The following UCP3 variants were observed in gnomAD, a reference collection of about 807,000 sequenced individuals.
UCP3 encodes uncoupling protein 3.
Under a neutral mutation model 28.1 loss-of-function variants are expected in UCP3, and 24 were observed. The ratio of observed to expected loss-of-function variants is 0.85; its 90% CI spans 0.62 to 1.20. The LOEUF (loss-of-function observed/expected upper bound fraction) is 1.20, where lower values mean the gene tolerates loss of function less well. Among genes scored for constraint, UCP3 ranks in the 50% most tolerant of loss-of-function variants. UCP3 has a pLI of 0.00. For missense variants in UCP3, 397 were observed against 422.2 expected (o/e 0.94, Z 0.52); for synonymous variants, 184 against 171.2 (o/e 1.07, Z -0.59).
In UCP3 at chr11:74,006,272, G is replaced by T. The variant is rs1290763402; in HGVS notation, c.234C>A (p.Tyr78Ter). 1 of 1,613,626 alleles carries T rather than the reference G, an allele frequency of 6.2e-7. No homozygotes were observed. Among genetic ancestry groups the T allele is most frequent in the Non-Finnish European group, 8.5e-7 (1 of 1,180,002 alleles). The change falls in exon 3 of 7, where the codon TAC becomes TAA. Residue 78 changes from tyrosine to a stop codon, truncating the protein, a stop_gained. Coordinates refer to ENST00000314032, the MANE Select transcript of UCP3 (RefSeq NM_003356.4). LOFTEE classifies it high-confidence loss of function. ...GCTGCAGGCCGGCCACCAGCCCATT[G>T]TAGGGGCTGCAGGGACCCTCAGTCC... is the stretch of plus-strand genomic sequence containing the variant. Reference protein sequence around the residue: ...MVRTEGPCSPYNGLVAGLQRQ... With the variant: ...MVRTEGPCSP
intron 1 of UCP3, among the ~76,000 whole-genome samples, chr11:74,007,942 C>A (rs893880895): frequency 1.3e-5 from 2 of 152,162 alleles, no homozygotes; most frequent in Admixed American, 1.3e-4. Flanking sequence ...AAAGTGGAAC[C>A]CTCATTACTG....
chr11:74,006,275 G>T lies in UCP3; in HGVS notation c.231C>A (p.Pro77=), dbSNP rs1344610359. 2 of 1,613,438 alleles carry T rather than the reference G, an allele frequency of 1.2e-6. No individual in the cohort carries two copies. The highest frequency in any genetic ancestry group is 1.7e-6 in the Non-Finnish European group (2 of 1,179,974). ...GCAGGCCGGCCACCAGCCCATTGTA[G>T]GGGCTGCAGGGACCCTCAGTCCGCA... The part of the protein sequence containing the change: ...TMVRTEGPCS[P]YNGLVAGLQR... The change falls in exon 3 of 7, where the codon CCC becomes CCA. Residue 77 remains proline (P), a synonymous_variant. Transcript: ENST00000314032.
rs769183491 is a variant in UCP3, at chr11:74,004,483, C to G, written c.643+1G>C. 3 of 1,614,010 alleles carry G rather than the reference C, an allele frequency of 1.9e-6. No homozygotes were observed. The highest frequency in any genetic ancestry group is 3.3e-5 in the Admixed American group (2 of 60,000). On this transcript the variant is annotated splice_donor_variant, in intron 5 of 6. Transcript: ENST00000314032. LOFTEE classifies it high-confidence loss of function. The stretch of plus-strand genomic sequence containing the variant: ...TGCCTGCCTGGAGCCCAGGGCCTCA[C>G]CAGTGAGCAGGTGGTAGTCCAGCAG...
intron 4 of UCP3, among the ~76,000 whole-genome samples, chr11:74,005,314 T>C (rs1184139619): frequency 6.6e-6 from 1 of 152,062 alleles, no homozygotes; most frequent in Non-Finnish European, 1.5e-5. Flanking sequence ...TGAGGGCCCC[T>C]CCCCTTCCGT....
At position 74,001,449 on chromosome 11, in the gene UCP3, AG is replaced by A; in HGVS notation, c.901del (p.Leu301Ter). 1.9e-6 allele frequency: 3 copies of A among 1,614,176 alleles called. No individual in the cohort carries two copies. The highest frequency in any genetic ancestry group is 2.5e-6 in the Non-Finnish European group (3 of 1,180,034). ...TTCCCGTAACATCTGGACTTTCATC[AG>A]GGCCCGTTTCAGCTGCTCATAGGTT... ...FVTYEQLKRA[L>X]MKVQMLRESP... is the part of the protein sequence containing the mutation. On this transcript the variant is annotated frameshift_variant, in exon 7 of 7. Transcript: ENST00000314032. LOFTEE classifies it high-confidence loss of function.
In UCP3 at chr11:74,004,292, C is replaced by T. The variant is rs1238327768; in HGVS notation, c.643+192G>A. 2.0e-5 allele frequency among the ~76,000 whole-genome samples: 3 copies of T among 152,284 alleles called. No individual in the cohort carries two copies. In the East Asian group the frequency reaches 5.8e-4, roughly 29 times the overall value. ...GAGAGGTGGTGCTGGGACTGGAACC[C>T]AAGTCTCCAGCCTCCCAGCCCAGGG... On this transcript the variant is annotated intron_variant, in intron 5 of 6. Transcript: ENST00000314032.
intron 6 of UCP3, 71 bp downstream of exon 6, chr11:74,003,756 G>T (rs971616668): frequency 7.9e-6 from 12 of 1,516,898 alleles, no homozygotes; most frequent in Middle Eastern, 2.5e-4. Flanking sequence ...GTTGACCCAC[G>T]GTAGCCACAT....
intron 1 of UCP3, among the ~76,000 whole-genome samples, chr11:74,008,391 G>A (rs976547754): frequency 5.9e-5 from 9 of 152,122 alleles, no homozygotes; most frequent in Non-Finnish European, 1.3e-4. Context: ...TGAAGCAGGG[G>A]AAGAGGACCC....
chr11:74,001,621 TC>T, intron 6 of UCP3, 95 bp from the exon 7 acceptor site: 4 of 1,064,990 alleles, frequency 3.8e-6, no homozygotes, highest in Non-Finnish European at 5.8e-6. Flanking sequence ...TGCCAGAGGA[TC>T]CAGACTTCTG....
chr11:74,007,360 C>G, intron 1 of UCP3: 1 of 380,006 alleles, frequency 2.6e-6, no homozygotes, highest in South Asian at 2.4e-5. Context: ...GTAGGCAGAG[C>G]TGATAGTGGT....
rs115916638 is a variant in UCP3, at chr11:74,003,736, T to A, written c.824+91A>T. The A allele has an allele frequency of 9.8e-5, 148 of 1,509,966 alleles. No homozygotes were observed. The African/African-American group carries it at 1.9e-3, about 20-fold the overall frequency. 93.5% of individuals were successfully genotyped at this position (1,509,966 alleles called of 1,614,324 possible). On this transcript the variant is annotated intron_variant, in intron 6 of 6. Transcript: ENST00000314032. ...CATTTACATCTGTACTCTTCACCGC[T>A]ACATCCCAGGTTGACCCACGGTAGC...
rs1429478366 is a variant in UCP3, at chr11:74,000,655, TAAAGTGCGTTCATGCCCAGC to T, written c.*737_*756del. 1 of 152,256 alleles carries T rather than the reference TAAAGTGCGTTCATGCCCAGC, an allele frequency of 6.6e-6. No homozygotes were observed. Among genetic ancestry groups the T allele is most frequent in the Non-Finnish European group, 1.5e-5 (1 of 68,056 alleles). 9.4% of individuals were successfully genotyped at this position (152,256 alleles called of 1,614,324 possible). On this transcript the variant is annotated 3_prime_UTR_variant, in exon 7 of 7. Coordinates refer to ENST00000314032, the MANE Select transcript of UCP3 (RefSeq NM_003356.4). ...GATTTACACAGAGCTTTTGCTTTTA[TAAAGTGCGTTCATGCCCAGC>T]TTCTCACTTGCATGTCATAGCACCC...
rs199959534 is a variant in UCP3, at chr11:74,001,433, C to T, written c.918G>A (p.Met306Ile). Residue 306 changes from methionine (M) to isoleucine (I), a missense_variant, in exon 7 of 7, where the codon ATG becomes ATA. Physicochemically the swap from Met to Ile is conservative, Grantham distance 10 (BLOSUM62 1). Transcript: ENST00000314032. Reference protein sequence around the residue: ...QLKRALMKVQMLRESPF With the variant: ...QLKRALMKVQILRESPF The stretch of plus-strand genomic sequence containing the variant: ...TTGTTCAAAACGGTGATTCCCGTAA[C>T]ATCTGGACTTTCATCAGGGCCCGTT... The T allele has an allele frequency of 1.2e-6, 2 of 1,614,114 alleles. No individual in the cohort carries two copies. The highest frequency in any genetic ancestry group is 1.7e-6 in the Non-Finnish European group (2 of 1,180,056).
In UCP3 at chr11:74,005,788, C is replaced by T. The variant is rs754054591; in HGVS notation, c.483G>A (p.Gly161=). ...GPSRSDRKYS[G]TMDAYRTIAR... is the part of the protein sequence containing the mutation. Reference sequence around the variant, plus strand: ...CGATGGTTCTGTAGGCGTCCATAGTCCCGCTGTATTTTCTGTCGCTCCTGG... The same window carrying T: ...CGATGGTTCTGTAGGCGTCCATAGTTCCGCTGTATTTTCTGTCGCTCCTGG... The change falls in exon 4 of 7, where the codon GGG becomes GGA. Residue 161 remains glycine (G), a synonymous_variant. Coordinates refer to ENST00000314032, the MANE Select transcript of UCP3 (RefSeq NM_003356.4). 1.9e-6 allele frequency: 3 copies of T among 1,614,192 alleles called. No individual in the cohort carries two copies.
rs1951671518 is a variant in UCP3 at position 74,006,939 on chromosome 11, T to C, written c.104A>G (p.Asp35Gly). 3.1e-6 allele frequency: 5 copies of C among 1,614,156 alleles called. No homozygotes were observed. The highest frequency in any genetic ancestry group is 4.2e-6 in the Non-Finnish European group (5 of 1,180,020). ...CFADLVTFPL[D>G]TAKVRLQIQG... is the part of the protein sequence containing the mutation. ...TACCTGCAGGCGGACCTTGGCTGTGTCCAGTGGAAAGGTAACGAGGTCAGC... is the reference window on the plus strand; with the variant it reads ...TACCTGCAGGCGGACCTTGGCTGTGCCCAGTGGAAAGGTAACGAGGTCAGC... The change falls in exon 2 of 7, where the codon GAC (aspartate) becomes GGC (glycine). Residue 35 changes from aspartate (D) to glycine (G), a missense_variant. By Grantham distance (94) the Asp-to-Gly change is moderately conservative. Coordinates refer to ENST00000314032, the MANE Select transcript of UCP3 (RefSeq NM_003356.4).
In UCP3 at chr11:74,006,199, T is replaced by C; in HGVS notation, c.307A>G (p.Lys103Glu). 6.2e-7 allele frequency: 1 copy of C among 1,614,170 alleles called. No individual in the cohort carries two copies. Among genetic ancestry groups the C allele is most frequent in the Non-Finnish European group, 8.5e-7 (1 of 1,180,042 alleles). The change falls in exon 3 of 7, where the codon AAG (lysine) becomes GAG (glutamate). Residue 103 changes from lysine (K) to glutamate (E), a missense_variant. Transcript: ENST00000314032. ...SIRIGLYDSV[K>E]QVYTPKGADN... ...GCGCCTTTGGGGGTGTACACCTGCT[T>C]GACGGAGTCATAGAGGCCGATGCGG... is the stretch of plus-strand genomic sequence containing the variant.
Position 74,006,962 on chromosome 11 carries a change from A to G in UCP3, c.81T>C (p.Ala27=). 6.2e-7 allele frequency: 1 copy of G among 1,614,226 alleles called. No homozygotes were observed. Among genetic ancestry groups the G allele is most frequent in the Non-Finnish European group, 8.5e-7 (1 of 1,180,040 alleles). The change falls in exon 2 of 7, where the codon GCT becomes GCC. Residue 27 remains alanine, a synonymous_variant. Transcript: ENST00000314032. ...FLGAGTAACF[A]DLVTFPLDTA... is the part of the protein sequence containing the mutation. ...TGTCCAGTGGAAAGGTAACGAGGTC[A>G]GCAAAACAGGCTGCTGTGCCTGCCC...
chr11:74,000,438 T>TG lies in UCP3; in HGVS notation c.*973dup, dbSNP rs11372420. The TG allele has an allele frequency of 0.54, 60,742 of 112,814 alleles. 13,337 individuals carry two copies. The highest frequency in any genetic ancestry group is 0.62 in the East Asian group (2,616 of 4,196). 7.0% of individuals were successfully genotyped at this position (112,814 alleles called of 1,614,324 possible). A position where few individuals can be genotyped will look rare whatever the true frequency, so the allele number is the denominator to read the frequency against. On this transcript the variant is annotated 3_prime_UTR_variant, in exon 7 of 7. Transcript: ENST00000314032. ...GAGGTACTCATGATTGAGCACGTGG[T>TG]GGGGGGGGTGGGGAAGAGGCTGCAT...
chr11:74,007,161 G>GCTGAT, intron 1 of UCP3, 24 bp from the exon 2 acceptor site: 1 of 1,351,444 alleles, frequency 7.4e-7, no homozygotes, highest in Non-Finnish European at 1.0e-6. Flanking sequence ...GCCAGAGAAG[G>GCTGAT]CTGATGGAGT....
Sources: gnomAD v4.1 joint callset for allele counts (sites outside exome capture counted in the v4.1 genomes callset) on GRCh38, gnomAD v4.1.1 for gene constraint, MANE v1.5 for transcripts, NCBI Gene and HGNC (gene_info 2026-07-23, HGNC 2026-07-21) for gene names.